EYS: variants seen among roughly 807,000 people sequenced by gnomAD.
EYS encodes the protein EGF-like photoreceptor maintenance factor.
A neutral mutation model predicts 282.1 loss-of-function variants in EYS; 250 were observed. The ratio of observed to expected loss-of-function variants is 0.89; its 90% CI spans 0.80 to 0.98. The LOEUF is 0.98. Ranked by LOEUF, EYS falls within the 50% of genes least tolerant of loss-of-function variation. EYS has a pLI of 0.00. For missense variants in EYS, 4,016 were observed against 3,709.0 expected (o/e 1.08, Z -2.15); for synonymous variants, 1,355 against 1,282.9 (o/e 1.06, Z -1.20).
At chr6:63,976,284 G>A (rs529934257) in intron 35 of EYS, among the ~76,000 whole-genome samples, 25 of 152,046 alleles carry the variant, frequency 1.6e-4, no homozygotes, top group Admixed American at 1.6e-3. Flanking sequence ...AAAAACAAAA[G>A]TAATTGTGCT....
chr6:64,647,725 G>T (rs941350581), intron 22 of EYS, among the ~76,000 whole-genome samples: 1 of 151,864 alleles, frequency 6.6e-6, no homozygotes, highest in Non-Finnish European at 1.5e-5. Flanking sequence ...GAAAAAAAAC[G>T]CTAGTATTCT....
intron 22 of EYS, among the ~76,000 whole-genome samples, chr6:64,662,862 T>A (rs571717896): frequency 6.6e-6 from 1 of 150,790 alleles, no homozygotes; most frequent in Non-Finnish European, 1.5e-5. Context: ...ACTCAAGGAA[T>A]TCTGACTTGA....
intron 29 of EYS, among the ~76,000 whole-genome samples, chr6:64,385,236 T>C (rs1193553283): frequency 2.0e-5 from 3 of 152,168 alleles, no homozygotes; most frequent in Non-Finnish European, 4.4e-5. Flanking sequence ...CTTTAAGAAT[T>C]ATCATCTAGA....
chr6:65,407,962 T>C (rs1008466061), intron 5 of EYS, among the ~76,000 whole-genome samples: 2 of 152,106 alleles, frequency 1.3e-5, no homozygotes, highest in Non-Finnish European at 2.9e-5. Context: ...AGGGATTGTG[T>C]TTCTATTTCT....
At chr6:65,348,896 T>G (rs1405163040) in intron 9 of EYS, among the ~76,000 whole-genome samples, 1 of 151,670 alleles carries the variant, frequency 6.6e-6, no homozygotes, top group Non-Finnish European at 1.5e-5. Context: ...TTGTATATGG[T>G]GAGAGATAGG....
intron 11 of EYS, chr6:65,332,452 C>T: frequency 1.5e-6 from 2 of 1,376,908 alleles, no homozygotes; most frequent in Non-Finnish European, 2.0e-6. Context: ...AATATTTTAG[C>T]TAACTTAAGG....
At chr6:64,737,191 T>C (rs1257184310) in intron 22 of EYS, among the ~76,000 whole-genome samples, 2 of 152,232 alleles carry the variant, frequency 1.3e-5, no homozygotes, top group Non-Finnish European at 2.9e-5. Context: ...AAAAAGTTTC[T>C]GGATGTGCAT....
At chr6:65,497,769 CT>C (rs1766307436) in intron 2 of EYS, among the ~76,000 whole-genome samples, 1 of 152,022 alleles carries the variant, frequency 6.6e-6, no homozygotes. Context: ...TTTGTTCTCT[CT>C]TCAATGTTTT....
chr6:64,500,856 G>T (rs1777015599), intron 26 of EYS, among the ~76,000 whole-genome samples: 1 of 152,032 alleles, frequency 6.6e-6, no homozygotes, highest in Non-Finnish European at 1.5e-5. Flanking sequence ...CCATGGCAAG[G>T]TTTAGTCAGT....
chr6:65,156,841 A>T (rs1764740892), intron 12 of EYS, among the ~76,000 whole-genome samples: 1 of 151,018 alleles, frequency 6.6e-6, no homozygotes, highest in Non-Finnish European at 1.5e-5. Context: ...TCTGCTTCTC[A>T]GTTTCTCATC....
intron 8 of EYS, among the ~76,000 whole-genome samples, chr6:65,355,642 A>G (rs1764450056): frequency 6.6e-6 from 1 of 152,106 alleles, no homozygotes; most frequent in South Asian, 2.1e-4. Flanking sequence ...ATACAACCAA[A>G]TAACCCAATT....
chr6:65,493,347 C>G (rs144362202), intron 4 of EYS, among the ~76,000 whole-genome samples: 36 of 152,306 alleles, frequency 2.4e-4, no homozygotes, highest in Non-Finnish European at 4.4e-4. Context: ...GTGATCTGCT[C>G]TAGATATAGC....
At chr6:65,016,140 A>C (rs1307938751) in intron 13 of EYS, among the ~76,000 whole-genome samples, 1 of 151,464 alleles carries the variant, frequency 6.6e-6, no homozygotes, top group East Asian at 1.9e-4. Context: ...GAGGTGGACA[A>C]ATCACCCGAG....
chr6:63,954,400 C>T lies in EYS; in HGVS notation c.7055+29983G>A, dbSNP rs186110792. Among the ~76,000 whole-genome samples, 68 of 152,262 alleles carry T rather than the reference C, an allele frequency of 4.5e-4. 1 individual carries two copies. The highest frequency in any genetic ancestry group is 2.3e-3 in the Admixed American group (35 of 15,286). On this transcript the variant is annotated intron_variant, in intron 35 of 42. Transcript: ENST00000503581. The stretch of plus-strand genomic sequence containing the variant: ...TCAGGCCCTCACTCTTGCAAAGGGA[C>T]GAGGCATCAATATTTATACTGACTC...
chr6:65,429,613 G>T (rs1344901402), intron 5 of EYS, among the ~76,000 whole-genome samples: 1 of 151,954 alleles, frequency 6.6e-6, no homozygotes, highest in Non-Finnish European at 1.5e-5. Context: ...ATTTATGTTG[G>T]TAACACCAAC....
At chr6:65,330,200 G>T (rs533550545) in intron 11 of EYS, 2 of 954,490 alleles carry the variant, frequency 2.1e-6, no homozygotes, top group South Asian at 9.7e-5. Flanking sequence ...CATTACCTGG[G>T]GACAGGTATC....
intron 26 of EYS, among the ~76,000 whole-genome samples, chr6:64,511,405 C>A (rs908059883): frequency 1.3e-5 from 2 of 151,468 alleles, no homozygotes; most frequent in African/African-American, 2.4e-5. Context: ...AGGAGGAAAT[C>A]GCAAGATGAT....
intron 31 of EYS, among the ~76,000 whole-genome samples, chr6:64,098,357 T>TTA (rs1203770212): frequency 3.9e-5 from 6 of 152,146 alleles, no homozygotes; most frequent in Non-Finnish European, 7.4e-5. Flanking sequence ...AGTGGATCAA[T>TTA]TTATATTATG....
At chr6:63,758,404 T>C (rs1295634978) in intron 41 of EYS, among the ~76,000 whole-genome samples, 2 of 152,158 alleles carry the variant, frequency 1.3e-5, no homozygotes, top group Non-Finnish European at 2.9e-5. Context: ...GATAAAAATA[T>C]CTATGTGAAC....
Sources: allele counts gnomAD v4.1 joint callset (sites outside exome capture counted in the v4.1 genomes callset), GRCh38; gene constraint gnomAD v4.1.1; transcripts MANE v1.5; gene names NCBI Gene and HGNC (gene_info 2026-07-23, HGNC 2026-07-21).